Variants in TENM4 observed in about 807,000 individuals in gnomAD.
TENM4 encodes the protein teneurin-4.
Under a neutral mutation model 243.3 loss-of-function variants are expected in TENM4, and 82 were observed. The observed-to-expected ratio is 0.34, with a 90% CI of 0.28 to 0.40. TENM4 has a LOEUF of 0.40. TENM4 is among the 10% of genes least tolerant of loss of function. TENM4 has a pLI of 1.00. For missense variants in TENM4, 3,138 were observed against 3,673.3 expected (o/e 0.85, Z 3.77); for synonymous variants, 1,412 against 1,456.3 (o/e 0.97, Z 0.69).
intron 12 of TENM4, among the ~76,000 whole-genome samples, chr11:78,839,829 G>A (rs918801983): frequency 3.9e-5 from 6 of 152,052 alleles, no homozygotes; most frequent in Non-Finnish European, 8.8e-5. Context: ...GTCCTCAGAG[G>A]TGTTTCTGTT....
At chr11:79,154,721 T>C (rs1862569829) in intron 3 of TENM4, among the ~76,000 whole-genome samples, 1 of 152,094 alleles carries the variant, frequency 6.6e-6, no homozygotes, top group Non-Finnish European at 1.5e-5. Flanking sequence ...CCTTGGCCCC[T>C]CAGAGGAAGG....
Position 78,903,340 on chromosome 11 carries a change from G to A in TENM4, c.677C>T (p.Ala226Val). 6.8e-7 allele frequency: 1 copy of A among 1,479,696 alleles called. No homozygotes were observed. Among genetic ancestry groups the A allele is most frequent in the Non-Finnish European group, 9.0e-7 (1 of 1,116,354 alleles). 91.7% of individuals were successfully genotyped at this position (1,479,696 alleles called of 1,614,324 possible). A position where few individuals can be genotyped will look rare whatever the true frequency, so the allele number is the denominator to read the frequency against. ...GTGGGCAGGCTCCTGGGCGCCGCCG[G>A]CAGGGGGCTCTCCGGAGAGCGAGTG... The part of the protein sequence containing the change: ...TDHSLSGEPP[A>V]GGAQEPAHAQ... The change falls in exon 7 of 34, where the codon GCC becomes GTC. Residue 226 changes from alanine to valine, a missense_variant. Coordinates refer to ENST00000278550, the MANE Select transcript of TENM4 (RefSeq NM_001098816.3).
chr11:78,927,110 A>T (rs1416364138), intron 6 of TENM4, among the ~76,000 whole-genome samples: 1 of 152,208 alleles, frequency 6.6e-6, no homozygotes, highest in African/African-American at 2.4e-5. Context: ...ATTCCTTCAC[A>T]TGGATTATTT....
chr11:79,296,758 C>G (rs914214185), intron 2 of TENM4, among the ~76,000 whole-genome samples: 2 of 152,182 alleles, frequency 1.3e-5, no homozygotes, highest in African/African-American at 4.8e-5. Context: ...TTCTCCTTTG[C>G]AAAATGGCAG....
intron 3 of TENM4, among the ~76,000 whole-genome samples, chr11:79,205,417 ACAGAACGTCTC>A (rs1165657146): frequency 2.8e-4 from 43 of 152,334 alleles, no homozygotes; most frequent in African/African-American, 9.9e-4. Flanking sequence ...CAGTCGAGAT[ACAGAACGTCTC>A]CACAGGCAAG....
intron 1 of TENM4, among the ~76,000 whole-genome samples, chr11:79,328,265 T>A (rs1857006095): frequency 6.6e-6 from 1 of 152,172 alleles, no homozygotes; most frequent in Non-Finnish European, 1.5e-5. Flanking sequence ...CTCAGAAAGA[T>A]CAAGTGACTT....
intron 18 of TENM4, among the ~76,000 whole-genome samples, chr11:78,762,850 T>C (rs948245909): frequency 1.3e-5 from 2 of 152,142 alleles, no homozygotes; most frequent in Admixed American, 6.5e-5. Flanking sequence ...TTCTTAGGCA[T>C]AGATGACAAA....
chr11:79,058,811 C>T (rs1860012349), intron 6 of TENM4, among the ~76,000 whole-genome samples: 1 of 152,114 alleles, frequency 6.6e-6, no homozygotes, highest in Non-Finnish European at 1.5e-5. Context: ...AGCCTGGGGG[C>T]AAGCAGCAGA....
intron 6 of TENM4, among the ~76,000 whole-genome samples, chr11:78,999,268 C>T (rs1289113337): frequency 1.3e-5 from 2 of 152,134 alleles, no homozygotes; most frequent in Admixed American, 6.5e-5. Flanking sequence ...AATCCTAGCA[C>T]TTTGGGAGGC....
chr11:79,308,870 G>A (rs1298393948), intron 1 of TENM4, among the ~76,000 whole-genome samples: 1 of 152,174 alleles, frequency 6.6e-6, no homozygotes, highest in Non-Finnish European at 1.5e-5. Context: ...GCAAGCTGCT[G>A]TGAGGACGGA....
rs1388796813 is a variant in TENM4, at chr11:78,971,041, C to G, written c.494-67518G>C. Among the ~76,000 whole-genome samples the G allele has an allele frequency of 4.6e-5, 7 of 152,030 alleles. No homozygotes were observed. In the East Asian group the frequency reaches 1.4e-3, roughly 29 times the overall value. On this transcript the variant is annotated intron_variant, in intron 6 of 33. Coordinates refer to ENST00000278550, the MANE Select transcript of TENM4 (RefSeq NM_001098816.3). ...AAAAAATTTATTTTAGAGCTGAGATCTCTCTGTGTTGCCCAGGCTAGAATG... is the reference window on the plus strand; with the variant it reads ...AAAAAATTTATTTTAGAGCTGAGATGTCTCTGTGTTGCCCAGGCTAGAATG...
intron 19 of TENM4, among the ~76,000 whole-genome samples, chr11:78,742,325 G>C (rs1855948486): frequency 6.6e-6 from 1 of 152,156 alleles, no homozygotes; most frequent in African/African-American, 2.4e-5. Flanking sequence ...TGACACTAAA[G>C]CTAGGTCTTC....
In TENM4 at chr11:79,215,822, G is replaced by A. The variant is rs1208662803; in HGVS notation, c.-177C>T. The A allele has an allele frequency of 4.1e-6, 4 of 985,706 alleles. No individual in the cohort carries two copies. The highest frequency in any genetic ancestry group is 1.1e-4 in the East Asian group (1 of 8,784). 61.1% of individuals were successfully genotyped at this position (985,706 alleles called of 1,614,324 possible). A position where few individuals can be genotyped will look rare whatever the true frequency, so the allele number is the denominator to read the frequency against. ...AGGGGACTGACCTGGCTCCATGTCA[G>A]CACGTTCTGAAGAGTCAGCAATGTC... On this transcript the variant is annotated 5_prime_UTR_variant, in exon 3 of 34. Transcript: ENST00000278550.
chr11:79,351,672 C>T (rs1590901718), intron 1 of TENM4, among the ~76,000 whole-genome samples: 2 of 152,200 alleles, frequency 1.3e-5, no homozygotes, highest in East Asian at 3.9e-4. Flanking sequence ...CGCCACTGCA[C>T]TCCAGCCTGG....
chr11:79,189,579 T>C (rs116988817), intron 3 of TENM4, among the ~76,000 whole-genome samples: 1 of 152,348 alleles, frequency 6.6e-6, no homozygotes, highest in East Asian at 1.9e-4. Context: ...TCTTCCCATG[T>C]CATTTAGCAC....
At chr11:79,020,490 T>C (rs1426288325) in intron 6 of TENM4, among the ~76,000 whole-genome samples, 1 of 152,216 alleles carries the variant, frequency 6.6e-6, no homozygotes, top group African/African-American at 2.4e-5. Flanking sequence ...GTATTCTCTA[T>C]TATGACCCAA....
chr11:78,729,289 G>A (rs1361372561), intron 22 of TENM4, 87 bp downstream of exon 22: 1 of 1,391,368 alleles, frequency 7.2e-7, no homozygotes, highest in African/African-American at 1.5e-5. Flanking sequence ...GATCTGAGAA[G>A]AGGAAGGAAG....
chr11:79,079,033 T>A (rs111552565), intron 4 of TENM4, among the ~76,000 whole-genome samples: 6 of 152,346 alleles, frequency 3.9e-5, no homozygotes, highest in African/African-American at 1.2e-4. Context: ...TTGAACTGAG[T>A]CAGCACCTGG....
intron 4 of TENM4, among the ~76,000 whole-genome samples, chr11:79,071,643 GT>G (rs1860417237): frequency 6.6e-6 from 1 of 152,212 alleles, no homozygotes; most frequent in Non-Finnish European, 1.5e-5. Context: ...GAGGCTCGTA[GT>G]TTCCAAATTC....
Sources: gnomAD v4.1 joint callset for allele counts (sites outside exome capture counted in the v4.1 genomes callset) on GRCh38, gnomAD v4.1.1 for gene constraint, MANE v1.5 for transcripts, NCBI Gene and HGNC (gene_info 2026-07-23, HGNC 2026-07-21) for gene names.